Variants in CAMTA1 observed in about 807,000 individuals in gnomAD.
CAMTA1 encodes calmodulin binding transcription activator 1.
A neutral mutation model predicts 170.9 loss-of-function variants in CAMTA1; 27 were observed. The ratio of observed to expected loss-of-function variants is 0.16; its 90% confidence interval spans 0.12 to 0.22. The LOEUF is 0.22. Ranked by LOEUF, CAMTA1 falls within the 10% of genes least tolerant of loss-of-function variation. The pLI is 1.00. For missense variants in CAMTA1, 1,619 were observed against 2,217.2 expected, an observed-to-expected ratio of 0.73 and a Z score of 5.42; for synonymous variants, 833 against 891.5, an observed-to-expected ratio of 0.93 and a Z score of 1.17.
chr1:7,605,867 T>A (rs879633227), intron 6 of CAMTA1, among the ~76,000 whole-genome samples: 6 of 152,186 alleles, frequency 3.9e-5, no homozygotes, highest in Non-Finnish European at 5.9e-5. Context: ...AAAAGGACCA[T>A]CACTGTGACC....
rs2091899277 is a variant in CAMTA1, at chr1:7,426,927, C to T, written c.439-40903C>T. On this transcript the variant is annotated intron_variant, in intron 5 of 22. Transcript: ENST00000303635. The surrounding 1 kb of genome is among the most constrained non-coding windows in gnomAD (Gnocchi z 4.8). Reference sequence around the variant, plus strand: ...CCTGTGTTTTTAGTAATTTATCAGGCCACCAGCAAGGCCTTTTTGCTCAGC... The same window carrying T: ...CCTGTGTTTTTAGTAATTTATCAGGTCACCAGCAAGGCCTTTTTGCTCAGC... Among the ~76,000 whole-genome samples, 1 of 152,136 alleles carries T rather than the reference C, an allele frequency of 6.6e-6. No individual in the cohort carries two copies. Among genetic ancestry groups the T allele is most frequent in the Non-Finnish European group, 1.5e-5 (1 of 68,022 alleles).
chr1:6,804,147 G>T (rs943132334), intron 1 of CAMTA1, among the ~76,000 whole-genome samples: 2 of 151,288 alleles, frequency 1.3e-5, no homozygotes, highest in Admixed American at 1.3e-4. Context: ...TTGTGCCATC[G>T]CACTCCAGCC....
chr1:7,099,300 C>T (rs1381872310), intron 4 of CAMTA1, among the ~76,000 whole-genome samples: 1 of 152,202 alleles, frequency 6.6e-6, no homozygotes, highest in Non-Finnish European at 1.5e-5. Context: ...ATCTGCCCGC[C>T]TCGGCCTCCC....
intron 3 of CAMTA1, among the ~76,000 whole-genome samples, chr1:7,018,829 G>T (rs1315228261): frequency 6.6e-6 from 1 of 152,154 alleles, no homozygotes; most frequent in Non-Finnish European, 1.5e-5. Flanking sequence ...TAAAGCTTCT[G>T]GCCTAGAAAA....
intron 4 of CAMTA1, among the ~76,000 whole-genome samples, chr1:7,109,790 C>T (rs1287734200): frequency 6.6e-6 from 1 of 152,146 alleles, no homozygotes; most frequent in African/African-American, 2.4e-5. Flanking sequence ...GACTGGGGGT[C>T]CTTGTTCTGT....
At chr1:7,601,224 C>T (rs867291383) in intron 6 of CAMTA1, among the ~76,000 whole-genome samples, 2,246 of 150,106 alleles carry the variant, frequency 0.015, 59 homozygotes, top group African/African-American at 0.052. Flanking sequence ...ACTTCCCAGA[C>T]GGGGTGGCTG....
intron 11 of CAMTA1, among the ~76,000 whole-genome samples, chr1:7,695,513 G>A (rs1576949508): frequency 6.6e-6 from 1 of 152,294 alleles, no homozygotes; most frequent in African/African-American, 2.4e-5. Flanking sequence ...GTGGGGCTGC[G>A]TTTCTTGTTC....
intron 6 of CAMTA1, among the ~76,000 whole-genome samples, chr1:7,630,173 G>A (rs564299253): frequency 3.3e-5 from 5 of 152,286 alleles, no homozygotes; most frequent in Admixed American, 6.5e-5. Context: ...CTCCCCTCCC[G>A]GGCAGCGCCC....
chr1:7,650,534 G>A (rs756608124), intron 7 of CAMTA1, among the ~76,000 whole-genome samples: 34 of 152,232 alleles, frequency 2.2e-4, no homozygotes, highest in Admixed American at 1.7e-3. Flanking sequence ...CTCCACCCCC[G>A]CCTTTTCCAG....
intron 4 of CAMTA1, among the ~76,000 whole-genome samples, chr1:7,227,172 T>C (rs1661861174): frequency 6.6e-6 from 1 of 152,026 alleles, no homozygotes; most frequent in South Asian, 2.1e-4. Flanking sequence ...ACTCTTCCTA[T>C]CATAAACTAG....
At chr1:7,499,658 AGT>A (rs1224529396) in intron 6 of CAMTA1, among the ~76,000 whole-genome samples, 3 of 116,696 alleles carry the variant, frequency 2.6e-5, no homozygotes, top group Non-Finnish European at 5.3e-5. Context: ...TGTGTATGTG[AGT>A]GTGTGCATGA....
chr1:7,150,866 C>T (rs1441731735), intron 4 of CAMTA1, among the ~76,000 whole-genome samples: 5 of 152,120 alleles, frequency 3.3e-5, no homozygotes, highest in Non-Finnish European at 5.9e-5. Flanking sequence ...TGGCTGGTGC[C>T]GCAGACGGAC....
chr1:7,661,794 C>A lies in CAMTA1; in HGVS notation c.733C>A (p.Gln245Lys). 1 of 1,613,548 alleles carries A rather than the reference C, an allele frequency of 6.2e-7. No homozygotes were observed. ...AGGCTTCTCGGTGGAACAGCTGGTGCAGCAGATCCTCGACAGCCACCAGAC... is the reference window on the plus strand; with the variant it reads ...AGGCTTCTCGGTGGAACAGCTGGTGAAGCAGATCCTCGACAGCCACCAGAC... The part of the protein sequence containing the change: ...SSGFSVEQLV[Q>K]QILDSHQTKP... Residue 245 changes from glutamine (Q) to lysine (K), a missense_variant, in exon 8 of 23, where the codon CAG (glutamine) becomes AAG (lysine). Gln to Lys is a moderately conservative substitution (Grantham distance 53). Around this residue, in one of 8 missense-constraint regions of CAMTA1, gnomAD observed 731 missense variants for 907.6 expected, o/e 0.81. Coordinates refer to ENST00000303635, the MANE Select transcript of CAMTA1 (RefSeq NM_015215.4).
At chr1:7,522,192 G>C (rs529764066) in intron 6 of CAMTA1, among the ~76,000 whole-genome samples, 17 of 152,232 alleles carry the variant, frequency 1.1e-4, no homozygotes, top group African/African-American at 3.9e-4. Flanking sequence ...GAGACATTTT[G>C]ATAGGTATGT....
intron 6 of CAMTA1, among the ~76,000 whole-genome samples, chr1:7,542,879 G>GTGTGTGTGTTTT (rs1459264062): frequency 7.2e-6 from 1 of 138,172 alleles, no homozygotes; most frequent in Non-Finnish European, 1.5e-5. Context: ...GTGTGTGTGT[G>GTGTGTGTGTTTT]TTTGAGCCGG....
chr1:6,788,537 T>G (rs1178565803), intron 1 of CAMTA1, among the ~76,000 whole-genome samples: 1 of 152,236 alleles, frequency 6.6e-6, no homozygotes, highest in Non-Finnish European at 1.5e-5. Flanking sequence ...CTGTTCGTAT[T>G]CTGTGTCTGT....
intron 5 of CAMTA1, among the ~76,000 whole-genome samples, chr1:7,460,637 C>T (rs926531496): frequency 6.6e-6 from 1 of 151,812 alleles, no homozygotes; most frequent in Non-Finnish European, 1.5e-5. Context: ...CTCTCACCTG[C>T]TCCTGTCCCC....
intron 7 of CAMTA1, 31 bp downstream of exon 7, chr1:7,640,584 A>C (rs1399358270): frequency 6.2e-7 from 1 of 1,613,350 alleles, no homozygotes; most frequent in African/African-American, 1.3e-5. Context: ...TGGCGCCCCC[A>C]CGCTGGGAAC....
At chr1:7,278,583 T>C (rs982011819) in intron 5 of CAMTA1, among the ~76,000 whole-genome samples, 1 of 152,224 alleles carries the variant, frequency 6.6e-6, no homozygotes, top group African/African-American at 2.4e-5. Flanking sequence ...CAAGGTCACT[T>C]AGCTCGTCAC....
Sources: gnomAD v4.1 joint callset for allele counts (sites outside exome capture counted in the v4.1 genomes callset) on GRCh38, gnomAD v4.1.1 for gene constraint, gnomAD v4.1.1 regional missense constraint, Gnocchi (gnomAD v3.1) non-coding constraint, MANE v1.5 for transcripts, NCBI Gene and HGNC (gene_info 2026-07-23, HGNC 2026-07-21) for gene names.